Variants in MARCHF4 observed in about 807,000 individuals in gnomAD.
The protein encoded by MARCHF4 is E3 ubiquitin-protein ligase MARCHF4.
Under a neutral mutation model 43.9 loss-of-function variants are expected in MARCHF4, and 14 were observed. The observed-to-expected ratio is 0.32, with a 90% CI of 0.21 to 0.50. The LOEUF (loss-of-function observed/expected upper bound fraction) is 0.50, where lower values mean the gene tolerates loss of function less well. Among genes scored for constraint, MARCHF4 ranks in the 20% least tolerant of loss-of-function variants. The pLI is 0.98. For synonymous variants in MARCHF4, 226 were observed against 213.3 expected, an observed-to-expected ratio of 1.06 and a Z score of -0.52; for missense variants, 468 against 536.7, an observed-to-expected ratio of 0.87 and a Z score of 1.27.
intron 2 of MARCHF4, among the ~76,000 whole-genome samples, chr2:216,279,221 CA>C (rs1434272484): frequency 6.6e-6 from 1 of 152,106 alleles, no homozygotes; most frequent in East Asian, 1.9e-4. Context: ...CTGCTCCCGG[CA>C]GAGGGAAGAG....
chr2:216,305,343 G>C (rs1303144190), intron 1 of MARCHF4, among the ~76,000 whole-genome samples: 2 of 152,178 alleles, frequency 1.3e-5, no homozygotes, highest in Non-Finnish European at 2.9e-5. Context: ...AAGTGTACCA[G>C]GTCTGTCTGA....
At chr2:216,347,089 C>T in intron 1 of MARCHF4, among the ~76,000 whole-genome samples, 1 of 152,202 alleles carries the variant, frequency 6.6e-6, no homozygotes, top group Non-Finnish European at 1.5e-5. Flanking sequence ...CCTGAGGCCT[C>T]CTCAGCCACG....
intron 1 of MARCHF4, among the ~76,000 whole-genome samples, chr2:216,357,607 C>T (rs764911562): frequency 1.3e-5 from 2 of 152,234 alleles, no homozygotes; most frequent in African/African-American, 2.4e-5. Flanking sequence ...AGGCATGAGC[C>T]ACCATGTCCA....
intron 1 of MARCHF4, among the ~76,000 whole-genome samples, chr2:216,348,016 A>T (rs977647644): frequency 5.4e-5 from 8 of 148,562 alleles, no homozygotes; most frequent in African/African-American, 2.0e-4. Context: ...CTGCATTCTC[A>T]GGAGGTTAAG....
At chr2:216,335,343 T>C (rs1692140988) in intron 1 of MARCHF4, among the ~76,000 whole-genome samples, 1 of 152,184 alleles carries the variant, frequency 6.6e-6, no homozygotes, top group Admixed American at 6.5e-5. Context: ...ATGGGAATGA[T>C]AGAAAATGGC....
At chr2:216,282,196 T>G (rs891258172) in intron 2 of MARCHF4, among the ~76,000 whole-genome samples, 2 of 152,108 alleles carry the variant, frequency 1.3e-5, no homozygotes, top group African/African-American at 4.8e-5. Context: ...TTATGGCCCC[T>G]TGGTATACTA....
chr2:216,315,222 A>G (rs1015693625), intron 1 of MARCHF4, among the ~76,000 whole-genome samples: 10 of 152,248 alleles, frequency 6.6e-5, no homozygotes, highest in Non-Finnish European at 1.5e-4. Flanking sequence ...AACAATAATG[A>G]CATGCTATTG....
At chr2:216,262,229 C>A (rs1234438551) in intron 3 of MARCHF4, among the ~76,000 whole-genome samples, 1 of 152,102 alleles carries the variant, frequency 6.6e-6, no homozygotes, top group Non-Finnish European at 1.5e-5. Flanking sequence ...AGAATTAGCT[C>A]ACTGTGTTAA....
intron 1 of MARCHF4, among the ~76,000 whole-genome samples, chr2:216,290,485 G>A (rs1691291839): frequency 6.6e-6 from 1 of 152,198 alleles, no homozygotes; most frequent in African/African-American, 2.4e-5. Flanking sequence ...GATCAGGCCA[G>A]GCTTGTGAAT....
chr2:216,291,517 G>T (rs1026060088), intron 1 of MARCHF4, among the ~76,000 whole-genome samples: 1 of 152,064 alleles, frequency 6.6e-6, no homozygotes, highest in Non-Finnish European at 1.5e-5. Flanking sequence ...AAAATAAAAT[G>T]GCTCATCTGT....
rs1690685896 is a variant in MARCHF4 at position 216,258,399 on chromosome 2, G to C, written c.*913C>G. On this transcript the variant is annotated 3_prime_UTR_variant, in exon 4 of 4. Coordinates refer to ENST00000273067, the MANE Select transcript of MARCHF4 (RefSeq NM_020814.3). ...TTGCACATGTCCTGGCCATGGTGGGGTTGGGTAGTTGGGAAAGTTGCTCCG... is the reference window on the plus strand; with the variant it reads ...TTGCACATGTCCTGGCCATGGTGGGCTTGGGTAGTTGGGAAAGTTGCTCCG... 1 of 152,710 alleles carries C rather than the reference G, an allele frequency of 6.5e-6. No individual in the cohort carries two copies. The highest frequency in any genetic ancestry group is 2.1e-4 in the South Asian group (1 of 4,834). The allele number at this position is 152,710 out of a possible 1,614,324, so 9.5% of individuals were successfully genotyped here.
At chr2:216,337,045 A>T (rs946619272) in intron 1 of MARCHF4, among the ~76,000 whole-genome samples, 1 of 151,702 alleles carries the variant, frequency 6.6e-6, no homozygotes, top group Non-Finnish European at 1.5e-5. Context: ...CCAGCTACTC[A>T]GGAGGCTGAG....
At chr2:216,351,543 A>C (rs1692404691) in intron 1 of MARCHF4, 1 of 152,222 alleles carries the variant, frequency 6.6e-6, no homozygotes, top group Non-Finnish European at 1.5e-5. Context: ...AATAATAAAA[A>C]GAAGAAGCTG....
chr2:216,349,279 G>T (rs890152937), intron 1 of MARCHF4, among the ~76,000 whole-genome samples: 1 of 152,206 alleles, frequency 6.6e-6, no homozygotes, highest in Non-Finnish European at 1.5e-5. Context: ...GCAGAAAGGG[G>T]AGAATACTGG....
At chr2:216,266,862 G>A (rs1459317439) in intron 3 of MARCHF4, among the ~76,000 whole-genome samples, 2 of 152,158 alleles carry the variant, frequency 1.3e-5, no homozygotes, top group South Asian at 2.1e-4. Flanking sequence ...ATTCTCCAGG[G>A]TGCAGCTTTA....
At chr2:216,290,862 T>C (rs1032750683) in intron 1 of MARCHF4, among the ~76,000 whole-genome samples, 1 of 152,114 alleles carries the variant, frequency 6.6e-6, no homozygotes, top group African/African-American at 2.4e-5. Context: ...TGAGAAAGAC[T>C]GAAGGAGTTG....
At chr2:216,360,718 T>C (rs1051300492) in intron 1 of MARCHF4, among the ~76,000 whole-genome samples, 2 of 152,208 alleles carry the variant, frequency 1.3e-5, no homozygotes, top group Non-Finnish European at 2.9e-5. Context: ...CCTTAGAATG[T>C]ACGATATCAA....
intron 1 of MARCHF4, among the ~76,000 whole-genome samples, chr2:216,298,367 G>T (rs1420210922): frequency 6.9e-6 from 1 of 145,552 alleles, no homozygotes; most frequent in African/African-American, 2.5e-5. Flanking sequence ...GCAGGCTCAA[G>T]TGATTCTCCA....
chr2:216,322,923 T>C (rs768122158), intron 1 of MARCHF4, among the ~76,000 whole-genome samples: 1 of 152,230 alleles, frequency 6.6e-6, no homozygotes, highest in Non-Finnish European at 1.5e-5. Flanking sequence ...AGATGTCCTG[T>C]TAGAAAACAA....
Sources: allele counts gnomAD v4.1 joint callset (sites outside exome capture counted in the v4.1 genomes callset), GRCh38; gene constraint gnomAD v4.1.1; transcripts MANE v1.5; gene names NCBI Gene and HGNC (gene_info 2026-07-23, HGNC 2026-07-21).